The following SAMTOR variants were observed in gnomAD, a reference collection of about 807,000 sequenced individuals.
SAMTOR encodes the protein S-adenosylmethionine sensor upstream of mTORC1.
the SAMTOR span, chr7:112,832,800 C>T: frequency 3.3e-6 from 2 of 597,944 alleles, no homozygotes; most frequent in Non-Finnish European, 6.0e-6. Context: ...CTGACGGCCC[C>T]AATGAGCTTT....
chr7:112,847,998 A>T, the SAMTOR span, among the ~76,000 whole-genome samples: 8 of 152,060 alleles, frequency 5.3e-5, no homozygotes, highest in African/African-American at 1.9e-4. Flanking sequence ...AAATTAAAAA[A>T]TTAGCATTAC....
chr7:112,860,629 G>A, the SAMTOR span, among the ~76,000 whole-genome samples: 1 of 151,972 alleles, frequency 6.6e-6, no homozygotes, highest in Admixed American at 6.6e-5. Flanking sequence ...TTTGCCAGGC[G>A]CCGTGGCTCA....
chr7:112,921,851 C>G, the SAMTOR span, among the ~76,000 whole-genome samples: 1 of 148,238 alleles, frequency 6.7e-6, no homozygotes, highest in Non-Finnish European at 1.5e-5. Context: ...CTCACCATCA[C>G]TGGCCATCAG....
chr7:112,846,145 C>T, the SAMTOR span, among the ~76,000 whole-genome samples: 2 of 129,008 alleles, frequency 1.6e-5, no homozygotes, highest in African/African-American at 6.0e-5. Context: ...ATCTGTACAA[C>T]TTTTTTTTTT....
At chr7:112,901,303 C>G in the SAMTOR span, among the ~76,000 whole-genome samples, 4 of 152,172 alleles carry the variant, frequency 2.6e-5, no homozygotes, top group African/African-American at 9.7e-5. Context: ...AGATCAGTGA[C>G]AGCACTAGAT....
At chr7:112,887,721 T>C in the SAMTOR span, among the ~76,000 whole-genome samples, 1 of 152,218 alleles carries the variant, frequency 6.6e-6, no homozygotes, top group African/African-American at 2.4e-5. Flanking sequence ...TTATCAAATA[T>C]GTAGTCGTAG....
At chr7:112,898,853 G>C in the SAMTOR span, among the ~76,000 whole-genome samples, 1 of 152,230 alleles carries the variant, frequency 6.6e-6, no homozygotes, top group East Asian at 1.9e-4. Flanking sequence ...ATCTGCAGAA[G>C]TTGCAGTGTA....
the SAMTOR span, among the ~76,000 whole-genome samples, chr7:112,919,826 C>T: frequency 2.2e-3 from 327 of 152,044 alleles, 2 homozygotes; most frequent in African/African-American, 7.2e-3. Flanking sequence ...AACACCTCTA[C>T]GCAAATAAAC....
chr7:112,908,930 A>G, the SAMTOR span, among the ~76,000 whole-genome samples: 1 of 152,164 alleles, frequency 6.6e-6, no homozygotes, highest in Non-Finnish European at 1.5e-5. Flanking sequence ...CATAATGAAA[A>G]GACCTCACGT....
chr7:112,879,320 A>T, the SAMTOR span, among the ~76,000 whole-genome samples: 1 of 151,938 alleles, frequency 6.6e-6, no homozygotes, highest in South Asian at 2.1e-4. Flanking sequence ...CCATACGCTG[A>T]GTGTGAAGAG....
the SAMTOR span, among the ~76,000 whole-genome samples, chr7:112,927,816 CA>C: frequency 1.3e-5 from 2 of 151,978 alleles, no homozygotes; most frequent in Non-Finnish European, 2.9e-5. Flanking sequence ...TATCCCATAA[CA>C]TTTAAATTTT....
the SAMTOR span, among the ~76,000 whole-genome samples, chr7:112,877,236 T>G: frequency 2.0e-5 from 3 of 152,206 alleles, no homozygotes; most frequent in Non-Finnish European, 4.4e-5. Context: ...AAGGCAGATG[T>G]GGACTTTACT....
the SAMTOR span, among the ~76,000 whole-genome samples, chr7:112,923,222 G>T: frequency 6.5e-4 from 99 of 152,206 alleles, no homozygotes; most frequent in East Asian, 3.3e-3. Context: ...TCCACTCAGG[G>T]TTAAATGGAT....
the SAMTOR span, among the ~76,000 whole-genome samples, chr7:112,852,523 T>G: frequency 6.6e-6 from 1 of 152,000 alleles, no homozygotes; most frequent in South Asian, 2.1e-4. Context: ...CCATTTACAC[T>G]AAAAGCCCAG....
the SAMTOR span, chr7:112,822,378 A>G: frequency 4.5e-5 from 71 of 1,572,694 alleles, no homozygotes; most frequent in Non-Finnish European, 5.8e-5. Flanking sequence ...GACACTCTGC[A>G]GAAACAGAAA....
At chr7:112,826,625 A>T in the SAMTOR span, among the ~76,000 whole-genome samples, 2 of 151,926 alleles carry the variant, frequency 1.3e-5, no homozygotes, top group Non-Finnish European at 2.9e-5. Flanking sequence ...TTTCTATTTC[A>T]TTTGATTTCT....
the SAMTOR span, among the ~76,000 whole-genome samples, chr7:112,855,467 T>C: frequency 6.6e-6 from 1 of 152,128 alleles, no homozygotes; most frequent in Non-Finnish European, 1.5e-5. Flanking sequence ...CTAGGGACTA[T>C]GTGGTATAGA....
the SAMTOR span, among the ~76,000 whole-genome samples, chr7:112,902,534 T>C: frequency 6.6e-6 from 1 of 151,516 alleles, no homozygotes; most frequent in East Asian, 1.9e-4. Flanking sequence ...AACTATTCTG[T>C]ATAATACTAT....
chr7:112,911,279 C>T, the SAMTOR span, among the ~76,000 whole-genome samples: 1 of 152,118 alleles, frequency 6.6e-6, no homozygotes, highest in Non-Finnish European at 1.5e-5. Context: ...AGGCTTATGT[C>T]CTGCAAGAGA....
Sources: allele counts gnomAD v4.1 joint callset (sites outside exome capture counted in the v4.1 genomes callset), GRCh38; gene constraint gnomAD v4.1.1; transcripts MANE v1.5; gene names NCBI Gene and HGNC (gene_info 2026-07-23, HGNC 2026-07-21).